Variants in LOC128092253 observed in about 807,000 individuals in gnomAD.
At chr6:133,976,713 G>A in the LOC128092253 span, among the ~76,000 whole-genome samples, 1 of 152,140 alleles carries the variant, frequency 6.6e-6, no homozygotes, top group African/African-American at 2.4e-5. Flanking sequence ...TTGTCGGCCT[G>A]GCGCGGTGGC....
the LOC128092253 span, among the ~76,000 whole-genome samples, chr6:133,973,096 G>T: frequency 9.9e-5 from 15 of 152,198 alleles, no homozygotes; most frequent in African/African-American, 3.1e-4. Context: ...GGCATGTGTT[G>T]AGAGACTGTC....
the LOC128092253 span, among the ~76,000 whole-genome samples, chr6:133,962,525 A>T: frequency 6.6e-6 from 1 of 152,224 alleles, no homozygotes; most frequent in African/African-American, 2.4e-5. Context: ...CCATTCACAG[A>T]ATTACAAGGA....
At chr6:133,970,826 T>C in the LOC128092253 span, among the ~76,000 whole-genome samples, 1 of 152,126 alleles carries the variant, frequency 6.6e-6, no homozygotes, top group Non-Finnish European at 1.5e-5. Context: ...GTTTTTTATT[T>C]TTTAATTGAC....
At chr6:133,974,469 G>C in the LOC128092253 span, among the ~76,000 whole-genome samples, 140 of 152,280 alleles carry the variant, frequency 9.2e-4, no homozygotes, top group East Asian at 0.02. Flanking sequence ...GAGTAGCTGG[G>C]ATTACAGGCG....
the LOC128092253 span, among the ~76,000 whole-genome samples, chr6:133,968,668 T>TTTTTG: frequency 2.0e-5 from 3 of 152,016 alleles, no homozygotes; most frequent in African/African-American, 7.2e-5. Context: ...GCATCCAAGT[T>TTTTTG]TTTTGTTTTG....
At chr6:133,962,600 T>C in the LOC128092253 span, among the ~76,000 whole-genome samples, 4 of 152,230 alleles carry the variant, frequency 2.6e-5, no homozygotes, top group Non-Finnish European at 5.9e-5. Flanking sequence ...TTAATAGATA[T>C]GCCTAATAGA....
the LOC128092253 span, among the ~76,000 whole-genome samples, chr6:133,971,990 C>T: frequency 3.9e-5 from 6 of 152,126 alleles, no homozygotes; most frequent in Admixed American, 6.6e-5. Context: ...AGTAATACAG[C>T]ATTTTTTGGT....
the LOC128092253 span, among the ~76,000 whole-genome samples, chr6:133,960,599 T>C: frequency 6.6e-6 from 1 of 152,234 alleles, no homozygotes; most frequent in South Asian, 2.1e-4. Flanking sequence ...TTTTGGCCTA[T>C]TAAAATTAGA....
At chr6:133,965,726 A>G in the LOC128092253 span, among the ~76,000 whole-genome samples, 1 of 152,168 alleles carries the variant, frequency 6.6e-6, no homozygotes, top group African/African-American at 2.4e-5. Context: ...ACTTGAAGGA[A>G]TATGATTTGC....
At chr6:133,976,798 C>T in the LOC128092253 span, among the ~76,000 whole-genome samples, 2 of 151,802 alleles carry the variant, frequency 1.3e-5, no homozygotes, top group Non-Finnish European at 1.5e-5. Context: ...AGCAACCTGG[C>T]CAAGATGGTG....
chr6:133,955,735 T>C, the LOC128092253 span, among the ~76,000 whole-genome samples: 1 of 152,226 alleles, frequency 6.6e-6, no homozygotes, highest in Non-Finnish European at 1.5e-5. Context: ...AAAAAAGTAT[T>C]GTAGAGCCTG....
At chr6:133,956,321 C>G in the LOC128092253 span, among the ~76,000 whole-genome samples, 1 of 152,096 alleles carries the variant, frequency 6.6e-6, no homozygotes, top group Non-Finnish European at 1.5e-5. Flanking sequence ...TTTGTTGTGC[C>G]TTCTGTATGT....
the LOC128092253 span, among the ~76,000 whole-genome samples, chr6:133,979,654 G>A: frequency 4.2e-3 from 638 of 152,158 alleles, 6 homozygotes; most frequent in Non-Finnish European, 3.4e-3. Context: ...ACATGATTTG[G>A]TTTGTTTGTT....
chr6:133,970,369 G>A, the LOC128092253 span, among the ~76,000 whole-genome samples: 1 of 152,192 alleles, frequency 6.6e-6, no homozygotes, highest in Non-Finnish European at 1.5e-5. Context: ...CAATAGCAAA[G>A]GCTATTACTC....
the LOC128092253 span, chr6:133,953,434 CT>C: frequency 3.9e-5 from 6 of 152,808 alleles, no homozygotes; most frequent in African/African-American, 2.4e-5. Flanking sequence ...CGGTAACCCC[CT>C]AGGCGACCCT....
the LOC128092253 span, among the ~76,000 whole-genome samples, chr6:133,962,803 G>A: frequency 2.0e-5 from 3 of 152,202 alleles, no homozygotes; most frequent in Admixed American, 6.5e-5. Context: ...GTACAGATTA[G>A]TGTGTATACA....
chr6:133,957,287 G>A, the LOC128092253 span, among the ~76,000 whole-genome samples: 1 of 152,188 alleles, frequency 6.6e-6, no homozygotes, highest in Non-Finnish European at 1.5e-5. Context: ...TTGGCTGTTG[G>A]TTACTTTCAC....
the LOC128092253 span, among the ~76,000 whole-genome samples, chr6:133,955,124 C>T: frequency 6.6e-6 from 1 of 151,564 alleles, no homozygotes; most frequent in Non-Finnish European, 1.5e-5. Context: ...ACTGGGATAG[C>T]CATACTTGAG....
chr6:133,968,112 C>A, the LOC128092253 span, among the ~76,000 whole-genome samples: 1 of 151,878 alleles, frequency 6.6e-6, no homozygotes, highest in African/African-American at 2.4e-5. Context: ...TCAGCCTCCC[C>A]CAAGTAGCTG....
Sources: gnomAD v4.1 joint callset for allele counts (sites outside exome capture counted in the v4.1 genomes callset) on GRCh38, gnomAD v4.1.1 for gene constraint, MANE v1.5 for transcripts.